Variants in PTPRN2 observed in about 807,000 individuals in gnomAD.
The protein encoded by PTPRN2 is receptor-type tyrosine-protein phosphatase N2.
PTPRN2 carries 74 observed loss-of-function variants against 118.8 expected under a neutral mutation model. That is an observed-to-expected ratio of 0.62 (90% CI 0.52 to 0.76). The LOEUF (loss-of-function observed/expected upper bound fraction) is 0.76, where lower values mean the gene tolerates loss of function less well. Ranked by LOEUF, PTPRN2 falls within the 30% of genes least tolerant of loss-of-function variation. The pLI is 0.00. For missense variants in PTPRN2, 1,481 were observed against 1,394.4 expected (o/e 1.06, Z -0.99); for synonymous variants, 641 against 608.0 (o/e 1.05, Z -0.80).
chr7:157,730,197 C>T (rs893221254), intron 12 of PTPRN2, among the ~76,000 whole-genome samples: 1 of 152,076 alleles, frequency 6.6e-6, no homozygotes, highest in Non-Finnish European at 1.5e-5. Context: ...TGCCCCCCCC[C>T]GGGCACTCGG....
chr7:157,737,318 T>C (rs898396309), intron 12 of PTPRN2, among the ~76,000 whole-genome samples: 1 of 152,306 alleles, frequency 6.6e-6, no homozygotes. Context: ...GCAGTGTTCC[T>C]GTGTCCGTGG....
intron 2 of PTPRN2, among the ~76,000 whole-genome samples, chr7:158,322,131 T>C (rs1426595625): frequency 1.3e-5 from 2 of 152,128 alleles, no homozygotes; most frequent in Admixed American, 1.3e-4. Flanking sequence ...AGGTCAGTGC[T>C]ATGCCTGCTG....
chr7:158,260,502 GA>G (rs1391383890), intron 3 of PTPRN2, among the ~76,000 whole-genome samples: 2 of 152,170 alleles, frequency 1.3e-5, no homozygotes, highest in East Asian at 3.9e-4. Context: ...AGAAGGCCTA[GA>G]AAAAGAGTCT....
At chr7:158,554,435 G>C (rs548368303) in intron 1 of PTPRN2, among the ~76,000 whole-genome samples, 3 of 152,268 alleles carry the variant, frequency 2.0e-5, no homozygotes, top group African/African-American at 7.2e-5. Flanking sequence ...TGAAAAGTGC[G>C]TAAGAATTTT....
Position 157,550,638 on chromosome 7 carries a change from G to A in PTPRN2, c.2903-1619C>T, listed in dbSNP as rs187074287. ...AGCCACTGTCGGGGCTAAGCTGGCC[G>A]TCCCTCCAGCTCCCATCCCCTGGTT... On this transcript the variant is annotated intron_variant, in intron 21 of 22. Coordinates refer to ENST00000389418, the MANE Select transcript of PTPRN2 (RefSeq NM_002847.5). This position sits in a 1 kb window ranked among gnomAD's most constrained non-coding sequence, Gnocchi z 5.2. 6.6e-5 allele frequency among the ~76,000 whole-genome samples: 10 copies of A among 152,312 alleles called. No homozygotes were observed. The highest frequency in any genetic ancestry group is 1.3e-4 in the Admixed American group (2 of 15,302).
chr7:158,296,138 G>A (rs371241225), intron 3 of PTPRN2, among the ~76,000 whole-genome samples: 1 of 152,178 alleles, frequency 6.6e-6, no homozygotes, highest in African/African-American at 2.4e-5. Context: ...CATTTCCCAA[G>A]ACCACCCTGG....
At chr7:158,261,969 C>T (rs1797431600) in intron 3 of PTPRN2, among the ~76,000 whole-genome samples, 1 of 152,216 alleles carries the variant, frequency 6.6e-6, no homozygotes, top group Non-Finnish European at 1.5e-5. Flanking sequence ...GTACTTCTGC[C>T]CCTCCTCCCG....
intron 2 of PTPRN2, among the ~76,000 whole-genome samples, chr7:158,467,942 C>A (rs1204861274): frequency 6.6e-6 from 1 of 152,170 alleles, no homozygotes; most frequent in Non-Finnish European, 1.5e-5. Flanking sequence ...TCACCGCCAC[C>A]CATTTACCCT....
intron 1 of PTPRN2, among the ~76,000 whole-genome samples, chr7:158,494,953 C>T (rs1215652000): frequency 1.3e-5 from 2 of 152,212 alleles, no homozygotes; most frequent in Non-Finnish European, 2.9e-5. Flanking sequence ...CTCCCCCGCT[C>T]TTCAGAGCTC....
intron 12 of PTPRN2, among the ~76,000 whole-genome samples, chr7:157,867,858 A>G (rs530352771): frequency 6.6e-6 from 1 of 152,262 alleles, no homozygotes; most frequent in South Asian, 2.1e-4. Context: ...CTCAGATCCA[A>G]TCCACAGTCC....
rs114992524 is a variant in PTPRN2 at position 157,808,331 on chromosome 7, C to T, written c.1788+90342G>A. On this transcript the variant is annotated intron_variant, in intron 12 of 22. Transcript: ENST00000389418. This position sits in a 1 kb window ranked among gnomAD's most constrained non-coding sequence, Gnocchi z 5.0. ...AGTGAGTACGTGAGTGGCAGGTAAG[C>T]GGGTGAGTGGCGGGTGAGTGAGCGA... 0.023 allele frequency among the ~76,000 whole-genome samples: 3,453 copies of T among 151,388 alleles called. 129 individuals carry two copies. The highest frequency in any genetic ancestry group is 0.076 in the African/African-American group (3,133 of 41,186).
In PTPRN2 at chr7:157,609,864, G is replaced by A; in HGVS notation, c.2345-5789C>T. ...ATTTTTCATAGATGCCAACAGAAGA[G>A]ACACATCCCACAATTTCTTGTTGAT... On this transcript the variant is annotated intron_variant, in intron 15 of 22. Coordinates refer to ENST00000389418, the MANE Select transcript of PTPRN2 (RefSeq NM_002847.5). This position sits in a 1 kb window ranked among gnomAD's most constrained non-coding sequence, Gnocchi z 4.9. Among the ~76,000 whole-genome samples the A allele has an allele frequency of 6.6e-6, 1 of 152,232 alleles. No homozygotes were observed. Among genetic ancestry groups the A allele is most frequent in the Non-Finnish European group, 1.5e-5 (1 of 68,044 alleles).
chr7:158,126,980 C>G (rs568842087), intron 9 of PTPRN2, among the ~76,000 whole-genome samples: 9 of 152,318 alleles, frequency 5.9e-5, no homozygotes, highest in African/African-American at 2.2e-4. Flanking sequence ...AACGGTGGCC[C>G]GGTACCATCT....
intron 10 of PTPRN2, among the ~76,000 whole-genome samples, chr7:158,085,881 C>T (rs1181858119): frequency 4.8e-5 from 7 of 144,586 alleles, no homozygotes; most frequent in African/African-American, 7.7e-5. Flanking sequence ...ACACCTACGA[C>T]GCCCATCCAC....
chr7:158,150,742 T>C (rs146262911), intron 6 of PTPRN2, among the ~76,000 whole-genome samples: 102 of 152,062 alleles, frequency 6.7e-4, no homozygotes, highest in Admixed American at 2.2e-3. Context: ...AGCTCTCTTC[T>C]TTCCTGGTCT....
chr7:157,709,929 G>A (rs1235066209), intron 12 of PTPRN2, among the ~76,000 whole-genome samples: 1 of 152,208 alleles, frequency 6.6e-6, no homozygotes, highest in Non-Finnish European at 1.5e-5. Flanking sequence ...TCCTTACAAC[G>A]TGAGCCTGAA....
At chr7:157,761,918 C>T (rs1215022888) in intron 12 of PTPRN2, among the ~76,000 whole-genome samples, 1 of 152,084 alleles carries the variant, frequency 6.6e-6, no homozygotes, top group Non-Finnish European at 1.5e-5. Context: ...AAAACCCCAT[C>T]AAAAAGTGGG....
intron 14 of PTPRN2, among the ~76,000 whole-genome samples, chr7:157,652,787 T>G (rs564159553): frequency 6.6e-6 from 1 of 152,316 alleles, no homozygotes; most frequent in East Asian, 1.9e-4. Flanking sequence ...CAGGGAAGCC[T>G]CCTTCTCTCA....
chr7:157,584,031 G>A (rs959634110), intron 17 of PTPRN2, among the ~76,000 whole-genome samples: 7 of 152,074 alleles, frequency 4.6e-5, no homozygotes, highest in African/African-American at 1.4e-4. Context: ...ATGTGGTGGT[G>A]TGAACCTGTA....
Sources: allele counts gnomAD v4.1 joint callset (sites outside exome capture counted in the v4.1 genomes callset), GRCh38; gene constraint gnomAD v4.1.1; non-coding constraint Gnocchi (gnomAD v3.1); transcripts MANE v1.5; gene names NCBI Gene and HGNC (gene_info 2026-07-23, HGNC 2026-07-21).